The following BCAS3 variants were observed in gnomAD, a reference collection of about 807,000 sequenced individuals.
BCAS3 encodes BCAS4/BCAS3 fusion.
In BCAS3, 53 loss-of-function variants were observed where a neutral mutation model predicts 116.1. That is an observed-to-expected ratio of 0.46 (90% CI 0.37 to 0.57). The LOEUF (loss-of-function observed/expected upper bound fraction) is 0.57, where lower values mean the gene tolerates loss of function less well. BCAS3 is among the 20% of genes least tolerant of loss of function. The pLI is 0.00. For missense variants in BCAS3, 917 were observed against 1,165.4 expected (o/e 0.79, Z 3.10); for synonymous variants, 391 against 408.2 (o/e 0.96, Z 0.51).
intron 22 of BCAS3, among the ~76,000 whole-genome samples, chr17:61,147,483 A>G (rs1170405182): frequency 6.6e-6 from 1 of 152,124 alleles, no homozygotes; most frequent in East Asian, 1.9e-4. Flanking sequence ...TTGGCCTCCA[A>G]AAGTGCTGGG....
intron 15 of BCAS3, among the ~76,000 whole-genome samples, chr17:60,999,838 T>A (rs534472744): frequency 4.6e-5 from 7 of 152,280 alleles, no homozygotes; most frequent in African/African-American, 1.7e-4. Flanking sequence ...TCAGCAGTGT[T>A]TTGTAGTTGT....
At chr17:60,695,779 T>G (rs1244223447) in intron 4 of BCAS3, among the ~76,000 whole-genome samples, 1 of 152,018 alleles carries the variant, frequency 6.6e-6, no homozygotes, top group African/African-American at 2.4e-5. Context: ...TTAAATTTTT[T>G]GTAGAGATGA....
At position 61,367,524 on chromosome 17, in the gene BCAS3, A is replaced by G. The variant is rs2058807127; in HGVS notation, c.2426-803A>G. The G allele has an allele frequency of 6.6e-6, 1 of 152,178 alleles. No individual in the cohort carries two copies. Among genetic ancestry groups the G allele is most frequent in the African/African-American group, 2.4e-5 (1 of 41,434 alleles). The allele number at this position is 152,178 out of a possible 1,614,324, so 9.4% of individuals were successfully genotyped here. A position where few individuals can be genotyped will look rare whatever the true frequency, so the allele number is the denominator to read the frequency against. On this transcript the variant is annotated intron_variant, in intron 22 of 23. Coordinates refer to ENST00000407086, the MANE Select transcript of BCAS3 (RefSeq NM_017679.5). This position sits in a 1 kb window ranked among gnomAD's most constrained non-coding sequence, Gnocchi z 6.2. ...ACCCTTGCCGAAGATGCTATCACCC[A>G]CCTCCTTGCTGGTATCCCCCAAAGT...
chr17:61,027,207 C>T (rs1214743572), intron 16 of BCAS3: 1 of 432,614 alleles, frequency 2.3e-6, no homozygotes. Flanking sequence ...AAGGCTAACA[C>T]CCAAGTTTAA....
chr17:61,166,740 A>C (rs4968534), intron 22 of BCAS3, among the ~76,000 whole-genome samples: 111,801 of 151,992 alleles, frequency 0.74, 42,201 homozygotes, highest in South Asian at 0.9. Flanking sequence ...TAGAGACATC[A>C]TCTCACTCCG....
chr17:60,948,203 G>A (rs1323975366), intron 14 of BCAS3, among the ~76,000 whole-genome samples: 4 of 151,930 alleles, frequency 2.6e-5, no homozygotes, highest in Non-Finnish European at 4.4e-5. Flanking sequence ...CTGCCTCCCG[G>A]GTTCGAGCAA....
At chr17:60,691,834 A>G (rs963952447) in intron 4 of BCAS3, among the ~76,000 whole-genome samples, 4 of 152,016 alleles carry the variant, frequency 2.6e-5, no homozygotes, top group African/African-American at 7.2e-5. Context: ...AATAATAACA[A>G]TTTGTTGGGT....
intron 14 of BCAS3, among the ~76,000 whole-genome samples, chr17:60,954,955 A>T (rs1427742696): frequency 6.6e-6 from 1 of 152,166 alleles, no homozygotes; most frequent in Non-Finnish European, 1.5e-5. Flanking sequence ...TATTCATGTT[A>T]AAAATTACCT....
chr17:60,992,230 A>ACACACACTCT (rs748676282), intron 15 of BCAS3, among the ~76,000 whole-genome samples: 2 of 147,114 alleles, frequency 1.4e-5, no homozygotes, highest in African/African-American at 5.2e-5. Flanking sequence ...ACACACACAC[A>ACACACACTCT]CTCTGTAGGA....
intron 12 of BCAS3, among the ~76,000 whole-genome samples, chr17:60,921,254 A>T (rs1319518013): frequency 6.6e-6 from 1 of 152,232 alleles, no homozygotes; most frequent in Non-Finnish European, 1.5e-5. Flanking sequence ...CATGTCATTT[A>T]CAGCAGCATG....
chr17:61,336,892 C>T (rs2143181719), intron 22 of BCAS3, among the ~76,000 whole-genome samples: 1 of 152,274 alleles, frequency 6.6e-6, no homozygotes, highest in South Asian at 2.1e-4. Flanking sequence ...GCGGGCAGAT[C>T]ACTTGAGGTC....
intron 19 of BCAS3, among the ~76,000 whole-genome samples, chr17:61,044,004 C>T (rs1334236790): frequency 2.0e-5 from 3 of 151,904 alleles, no homozygotes; most frequent in Non-Finnish European, 4.4e-5. Context: ...CTCAGTGATT[C>T]GCTAGAAAAT....
rs774344369 is a variant in BCAS3, at chr17:61,354,276, C to T, written c.2426-14051C>T. On this transcript the variant is annotated intron_variant, in intron 22 of 23. Transcript: ENST00000407086. The surrounding 1 kb of genome is among the most constrained non-coding windows in gnomAD (Gnocchi z 4.5). Reference sequence around the variant, plus strand: ...GGTAAAAATTGCTGTGATCCCACAACCAAAAGGAAAGAGAGAATTATGAGA... The same window carrying T: ...GGTAAAAATTGCTGTGATCCCACAATCAAAAGGAAAGAGAGAATTATGAGA... 2 of 152,264 alleles carry T rather than the reference C, an allele frequency of 1.3e-5. No individual in the cohort carries two copies. Among genetic ancestry groups the T allele is most frequent in the South Asian group, 2.1e-4 (1 of 4,822 alleles). 9.4% of individuals were successfully genotyped at this position (152,264 alleles called of 1,614,324 possible). A position where few individuals can be genotyped will look rare whatever the true frequency, so the allele number is the denominator to read the frequency against.
At chr17:60,861,609 A>G (rs1312335329) in intron 7 of BCAS3, among the ~76,000 whole-genome samples, 1 of 152,046 alleles carries the variant, frequency 6.6e-6, no homozygotes, top group East Asian at 1.9e-4. Flanking sequence ...CCTGTTCGGT[A>G]TCGTGTTGGC....
intron 22 of BCAS3, among the ~76,000 whole-genome samples, chr17:61,246,975 T>C (rs1421332186): frequency 6.6e-6 from 1 of 152,192 alleles, no homozygotes; most frequent in African/African-American, 2.4e-5. Flanking sequence ...GTACCGAAAT[T>C]AACTTGATTG....
At chr17:60,846,634 C>T (rs2052561700) in intron 7 of BCAS3, among the ~76,000 whole-genome samples, 1 of 152,012 alleles carries the variant, frequency 6.6e-6, no homozygotes, top group Admixed American at 6.6e-5. Context: ...AATATATATA[C>T]ATTTAGGGTT....
At chr17:60,948,539 GTA>G (rs570637600) in intron 14 of BCAS3, among the ~76,000 whole-genome samples, 73 of 152,172 alleles carry the variant, frequency 4.8e-4, no homozygotes, top group African/African-American at 1.5e-3. Flanking sequence ...ATATAACACT[GTA>G]TATATGTTAT....
intron 14 of BCAS3, among the ~76,000 whole-genome samples, chr17:60,957,036 T>C (rs745421675): frequency 4.6e-5 from 7 of 152,178 alleles, no homozygotes; most frequent in Non-Finnish European, 7.4e-5. Context: ...ATCCTTTGCA[T>C]CTGACAGTAA....
At chr17:61,310,501 C>T (rs1422693811) in intron 22 of BCAS3, among the ~76,000 whole-genome samples, 1 of 151,394 alleles carries the variant, frequency 6.6e-6, no homozygotes, top group African/African-American at 2.4e-5. Flanking sequence ...TTGCAGTGAG[C>T]CGAGATCGTG....
Sources: gnomAD v4.1 joint callset for allele counts (sites outside exome capture counted in the v4.1 genomes callset) on GRCh38, gnomAD v4.1.1 for gene constraint, Gnocchi (gnomAD v3.1) non-coding constraint, MANE v1.5 for transcripts, NCBI Gene and HGNC (gene_info 2026-07-23, HGNC 2026-07-21) for gene names.